The following COL22A1 variants were observed in gnomAD, a reference collection of about 807,000 sequenced individuals.
The protein encoded by COL22A1 is collagen alpha-1(XXII) chain.
A neutral mutation model predicts 248.9 loss-of-function variants in COL22A1; 221 were observed. The observed-to-expected ratio is 0.89, with a 90% CI of 0.80 to 0.99. The LOEUF is 0.99. COL22A1 is among the 50% of genes least tolerant of loss of function. The probability of loss-of-function intolerance (pLI) is 0.00; values close to 1 mark genes in which losing one functional copy is unlikely to be tolerated. For synonymous variants in COL22A1, 891 were observed against 793.4 expected, an observed-to-expected ratio of 1.12 and a Z score of -2.07; for missense variants, 2,240 against 2,179.0, an observed-to-expected ratio of 1.03 and a Z score of -0.56.
At chr8:138,717,065 C>A (rs1829495585) in intron 27 of COL22A1, among the ~76,000 whole-genome samples, 196 bp from the exon 28 acceptor site, 1 of 152,192 alleles carries the variant, frequency 6.6e-6, no homozygotes, top group Admixed American at 6.5e-5. Context: ...GAGCAGAATC[C>A]ACTTTCTCAT....
intron 45 of COL22A1, 51 bp from the exon 46 acceptor site, chr8:138,649,829 A>G: frequency 2.5e-6 from 3 of 1,193,256 alleles, no homozygotes; most frequent in Non-Finnish European, 3.5e-6. Context: ...TAGCAAATAC[A>G]GTTTCAAAGC....
chr8:138,616,916 G>A lies in COL22A1; in HGVS notation c.3868C>T (p.Arg1290Trp), dbSNP rs556137930. 1.7e-5 allele frequency: 28 copies of A among 1,614,102 alleles called. No individual in the cohort carries two copies. The highest frequency in any genetic ancestry group is 1.1e-4 in the South Asian group (10 of 91,070). The change falls in exon 54 of 65, where the codon CGG becomes TGG. Residue 1290 changes from arginine to tryptophan, a missense_variant and splice_region_variant. Coordinates refer to ENST00000303045, the MANE Select transcript of COL22A1 (RefSeq NM_152888.3). ...HTGDSGAPGP[R>W]GESGAMGLPG... ...TCCAAAGTGAGGCGCCCACTTACCC[G>A]GGGACCGGGTGCACCAGAATCGCCT...
At chr8:138,718,535 C>T (rs1829624329) in intron 27 of COL22A1, among the ~76,000 whole-genome samples, 1 of 152,182 alleles carries the variant, frequency 6.6e-6, no homozygotes, top group South Asian at 2.1e-4. Flanking sequence ...AATGTCAATG[C>T]CTCTGCTCAT....
intron 1 of COL22A1, among the ~76,000 whole-genome samples, chr8:138,898,371 A>G (rs994618857): frequency 1.3e-5 from 2 of 152,126 alleles, no homozygotes; most frequent in African/African-American, 4.8e-5. Flanking sequence ...GAAATATTCA[A>G]GAAGGAAAGT....
chr8:138,641,946 A>G (rs142187155), intron 47 of COL22A1, among the ~76,000 whole-genome samples: 21 of 152,320 alleles, frequency 1.4e-4, no homozygotes, highest in Middle Eastern at 3.4e-3. Flanking sequence ...TCTGGAAAGT[A>G]GTGTGGGGTA....
At chr8:138,851,184 A>G (rs1053224247) in intron 3 of COL22A1, among the ~76,000 whole-genome samples, 1 of 152,174 alleles carries the variant, frequency 6.6e-6, no homozygotes, top group Non-Finnish European at 1.5e-5. Flanking sequence ...GATGCTGGAT[A>G]AGCTGGTCTG....
At chr8:138,716,323 GGAAGGCTCTCC>G (rs1829428519) in intron 28 of COL22A1, 34 bp from the exon 29 acceptor site, 1 of 1,516,494 alleles carries the variant, frequency 6.6e-7, no homozygotes, top group East Asian at 2.4e-5. Context: ...GGCGTCAACA[GGAAGGCTCTCC>G]CAGGGGCCAA....
Position 138,694,804 on chromosome 8 carries a change from G to A in COL22A1, c.2646+22C>T, listed in dbSNP as rs756183394. ...TCTCCAGGTAACCAGCCCTGCGGGGGAAGGGGACACAAGAGACTCACCGGT... is the reference window on the plus strand; with the variant it reads ...TCTCCAGGTAACCAGCCCTGCGGGGAAAGGGGACACAAGAGACTCACCGGT... On this transcript the variant is annotated intron_variant, in intron 33 of 64. Transcript: ENST00000303045. 55 of 1,613,170 alleles carry A rather than the reference G, an allele frequency of 3.4e-5. No homozygotes were observed. In the Admixed American group the frequency reaches 4.3e-4, roughly 13 times the overall value.
intron 1 of COL22A1, among the ~76,000 whole-genome samples, chr8:138,897,650 C>T (rs777423339): frequency 6.6e-6 from 1 of 152,098 alleles, no homozygotes; most frequent in Admixed American, 6.6e-5. Flanking sequence ...TTCCCATTGC[C>T]TAGCTAACTG....
At chr8:138,759,019 G>C (rs1057082044) in intron 18 of COL22A1, among the ~76,000 whole-genome samples, 3 of 152,140 alleles carry the variant, frequency 2.0e-5, no homozygotes, top group African/African-American at 7.2e-5. Context: ...AGCATCCCCT[G>C]TCAAGGAACT....
At chr8:138,738,214 G>A (rs774773706) in intron 22 of COL22A1, among the ~76,000 whole-genome samples, 8 of 152,250 alleles carry the variant, frequency 5.3e-5, no homozygotes, top group Admixed American at 2.6e-4. Flanking sequence ...TACTTAGGGC[G>A]TTTCTGCTCT....
chr8:138,592,570 G>A lies in COL22A1; in HGVS notation c.4616-1069C>T, dbSNP rs142913130. Reference sequence around the variant, plus strand: ...AATTTAACAAAAAGCCTTTCAAGTAGGAGAAACATTATAGGAAATGGATAA... The same window carrying A: ...AATTTAACAAAAAGCCTTTCAAGTAAGAGAAACATTATAGGAAATGGATAA... On this transcript the variant is annotated intron_variant, in intron 63 of 64. Transcript: ENST00000303045. 5.7e-3 allele frequency among the ~76,000 whole-genome samples: 873 copies of A among 152,270 alleles called. 5 individuals carry two copies. The highest frequency in any genetic ancestry group is 0.019 in the South Asian group (93 of 4,824).
At chr8:138,880,902 C>T (rs1824148800) in intron 2 of COL22A1, among the ~76,000 whole-genome samples, 1 of 152,210 alleles carries the variant, frequency 6.6e-6, no homozygotes, top group African/African-American at 2.4e-5. Flanking sequence ...GTTCAGGAGG[C>T]CTCCCCAAGG....
chr8:138,620,696 C>G (rs10091242), intron 52 of COL22A1: 2 of 152,052 alleles, frequency 1.3e-5, no homozygotes, highest in African/African-American at 4.8e-5. Context: ...ATGTCACTGA[C>G]GCCTGACTCT....
chr8:138,755,539 G>A (rs575664401), intron 19 of COL22A1, 28 bp from the exon 20 acceptor site: 10 of 1,613,758 alleles, frequency 6.2e-6, no homozygotes, highest in Non-Finnish European at 8.5e-6. Flanking sequence ...CATTAGCAAA[G>A]GTGCTGGCAT....
At chr8:138,691,664 G>A (rs1209078232) in intron 35 of COL22A1, among the ~76,000 whole-genome samples, 91 of 149,906 alleles carry the variant, frequency 6.1e-4, no homozygotes, top group East Asian at 1.0e-3. Context: ...CATGTTTGTG[G>A]GGGTGTGTAT....
At chr8:138,908,744 T>C (rs1314441058) in intron 1 of COL22A1, among the ~76,000 whole-genome samples, 1 of 152,204 alleles carries the variant, frequency 6.6e-6, no homozygotes, top group African/African-American at 2.4e-5. Flanking sequence ...AGGGGGCATA[T>C]TATTTTTGCT....
intron 3 of COL22A1, among the ~76,000 whole-genome samples, chr8:138,874,500 G>A (rs1823563825): frequency 6.6e-6 from 1 of 152,200 alleles, no homozygotes; most frequent in African/African-American, 2.4e-5. Flanking sequence ...TCCACTCCTA[G>A]ACTAGTGATT....
intron 16 of COL22A1, among the ~76,000 whole-genome samples, chr8:138,775,052 A>C (rs1302682015): frequency 6.6e-6 from 1 of 152,186 alleles, no homozygotes; most frequent in African/African-American, 2.4e-5. Flanking sequence ...AAATAAATGT[A>C]AATTAAGGTT....
Sources: allele counts gnomAD v4.1 joint callset (sites outside exome capture counted in the v4.1 genomes callset), GRCh38; gene constraint gnomAD v4.1.1; transcripts MANE v1.5; gene names NCBI Gene and HGNC (gene_info 2026-07-23, HGNC 2026-07-21).